Variants in HCRTR1 observed in about 807,000 individuals in gnomAD.
HCRTR1 encodes hypocretin receptor 1, also known as orexin/Hypocretin receptor type 1.
A neutral mutation model predicts 40.6 loss-of-function variants in HCRTR1; 28 were observed. That is an observed-to-expected ratio of 0.69 (90% CI 0.51 to 0.95). The LOEUF is 0.95. HCRTR1 is among the 40% of genes least tolerant of loss of function. The probability of loss-of-function intolerance (pLI) is 0.00; values close to 1 mark genes in which losing one functional copy is unlikely to be tolerated. For missense variants in HCRTR1, 482 were observed against 564.7 expected (o/e 0.85, Z 1.48); for synonymous variants, 209 against 230.0 (o/e 0.91, Z 0.83).
chr1:31,619,763 C>A, intron 4 of HCRTR1, 53 bp downstream of exon 4: 2 of 1,519,892 alleles, frequency 1.3e-6, no homozygotes, highest in South Asian at 2.5e-5. Context: ...TGTAAAAAAC[C>A]CACGGCCTTG....
At position 31,623,550 on chromosome 1, in the gene HCRTR1, C is replaced by A. The variant is rs187526271; in HGVS notation, c.766C>A (p.Arg256=). The A allele has an allele frequency of 6.2e-7, 1 of 1,613,202 alleles. No individual in the cohort carries two copies. Among genetic ancestry groups the A allele is most frequent in the South Asian group, 1.1e-5 (1 of 91,054 alleles). ...CCCCGGCACCACCTCAGCACTGGTG[C>A]GGAACTGGAAGCGCCCCTCAGACCA... The part of the protein sequence containing the change: ...QIPGTTSALV[R]NWKRPSDQLG... The change falls in exon 7 of 9, where the codon CGG becomes AGG. Residue 256 remains arginine (R), a synonymous_variant. Coordinates refer to ENST00000403528, the MANE Select transcript of HCRTR1 (RefSeq NM_001525.3).
intron 1 of HCRTR1, among the ~76,000 whole-genome samples, chr1:31,618,538 A>G (rs898018835): frequency 6.6e-5 from 10 of 151,644 alleles, no homozygotes; most frequent in Non-Finnish European, 8.8e-5. Context: ...TTCCCAACCC[A>G]AAGTTAAAGC....
In HCRTR1 at chr1:31,619,199, C is replaced by T; in HGVS notation, c.7C>T (p.Pro3Ser). The T allele has an allele frequency of 6.2e-7, 1 of 1,611,024 alleles. No individual in the cohort carries two copies. The highest frequency in any genetic ancestry group is 8.5e-7 in the Non-Finnish European group (1 of 1,179,856). Reference sequence around the variant, plus strand: ...TGCAGCGGCTCCTGAGCTCATGGAGCCCTCAGCCACCCCAGGGGCCCAGAT... The same window carrying T: ...TGCAGCGGCTCCTGAGCTCATGGAGTCCTCAGCCACCCCAGGGGCCCAGAT... Reference protein sequence around the residue: MEPSATPGAQMGV... With the variant: MESSATPGAQMGV... The change falls in exon 3 of 9, where the codon CCC becomes TCC. Residue 3 changes from proline (P) to serine (S), a missense_variant. Coordinates refer to ENST00000403528, the MANE Select transcript of HCRTR1 (RefSeq NM_001525.3).
chr1:31,624,501 A>C (rs1434225864), intron 7 of HCRTR1, among the ~76,000 whole-genome samples: 2 of 149,432 alleles, frequency 1.3e-5, no homozygotes, highest in Non-Finnish European at 3.0e-5. Flanking sequence ...ATTTGAGCAG[A>C]GACTTGAAGG....
downstream of HCRTR1, among the ~76,000 whole-genome samples, chr1:31,633,998 G>A (rs1448221023): frequency 6.6e-6 from 1 of 151,764 alleles, no homozygotes; most frequent in Non-Finnish European, 1.5e-5. Flanking sequence ...CAGTGTAGAA[G>A]CTGGTAAGTC....
Position 31,623,533 on chromosome 1 carries a change from C to CCACCTCAGCACTCAG in HCRTR1, c.761_762insCAGCACCTCAGCACT (p.Leu254_Val255insSerThrSerAlaLeu). On this transcript the variant is annotated inframe_insertion, in exon 7 of 9. Coordinates refer to ENST00000403528, the MANE Select transcript of HCRTR1 (RefSeq NM_001525.3). ...ATGTGTGCTGGACAGATCCCCGGCA[C>CCACCTCAGCACTCAG]CACCTCAGCACTGGTGCGGAACTGG... 1 of 1,612,458 alleles carries CCACCTCAGCACTCAG rather than the reference C, an allele frequency of 6.2e-7. No homozygotes were observed. Among genetic ancestry groups the CCACCTCAGCACTCAG allele is most frequent in the Admixed American group, 1.7e-5 (1 of 59,894 alleles).
chr1:31,618,589 T>A (rs1236837406), intron 1 of HCRTR1, among the ~76,000 whole-genome samples, 167 bp from the exon 2 acceptor site: 8 of 152,132 alleles, frequency 5.3e-5, no homozygotes, highest in Non-Finnish European at 1.5e-5. Flanking sequence ...CGGGATGGCT[T>A]CTCCTCCCAA....
downstream of HCRTR1, among the ~76,000 whole-genome samples, chr1:31,631,257 C>T (rs1247857384): frequency 2.0e-5 from 3 of 152,192 alleles, no homozygotes; most frequent in Non-Finnish European, 2.9e-5. Context: ...AGCCACTGGG[C>T]AAGTTGCTTA....
At chr1:31,619,783 C>G in intron 4 of HCRTR1, 73 bp downstream of exon 4, 1 of 1,368,252 alleles carries the variant, frequency 7.3e-7, no homozygotes, top group Non-Finnish European at 9.9e-7. Flanking sequence ...GCATAGGTCT[C>G]AGTGACCCCC....
rs1324171127 is a variant in HCRTR1, at chr1:31,618,831, C to G, written c.-143+15C>G. On this transcript the variant is annotated intron_variant, in intron 2 of 8. Transcript: ENST00000403528. ...GGTCCTGTAAGGTATGTAGGGCTGTCACCCCATTAGACAGATGGGGAAACC... is the reference window on the plus strand; with the variant it reads ...GGTCCTGTAAGGTATGTAGGGCTGTGACCCCATTAGACAGATGGGGAAACC... 1.0e-5 allele frequency: 3 copies of G among 299,516 alleles called. No individual in the cohort carries two copies. Among genetic ancestry groups the G allele is most frequent in the Non-Finnish European group, 1.9e-5 (3 of 157,510 alleles). The allele number at this position is 299,516 out of a possible 1,614,324, so 18.6% of individuals were successfully genotyped here.
chr1:31,632,547 C>T (rs777561785), downstream of HCRTR1: 14 of 1,614,130 alleles, frequency 8.7e-6, no homozygotes, highest in Admixed American at 2.2e-4. Context: ...GGTCATACTG[C>T]TGGAAGAGGT....
Position 31,627,072 on chromosome 1 carries a change from T to A in HCRTR1, c.*92T>A, listed in dbSNP as rs895443732. 38 of 1,519,830 alleles carry A rather than the reference T, an allele frequency of 2.5e-5. No individual in the cohort carries two copies. Among genetic ancestry groups the A allele is most frequent in the Non-Finnish European group, 3.3e-5 (37 of 1,136,590 alleles). 94.1% of individuals were successfully genotyped at this position (1,519,830 alleles called of 1,614,324 possible). A position where few individuals can be genotyped will look rare whatever the true frequency, so the allele number is the denominator to read the frequency against. On this transcript the variant is annotated 3_prime_UTR_variant, in exon 9 of 9. Coordinates refer to ENST00000403528, the MANE Select transcript of HCRTR1 (RefSeq NM_001525.3). ...ATGTGGTGAAAGGCTGTGGCTTCAG[T>A]CCTGGGTTTCTGCCTGTGTGACTCT...
rs1295959296 is a variant in HCRTR1, at chr1:31,621,077, C to A, written c.613C>A (p.Arg205Ser). 1.2e-6 allele frequency: 2 copies of A among 1,604,758 alleles called. No homozygotes were observed. Among genetic ancestry groups the A allele is most frequent in the Non-Finnish European group, 8.5e-7 (1 of 1,178,358 alleles). ...ACGGCTCTTCTCAGTCTGTGATGAA[C>A]GCTGGGCAGGTAATGGTGGAAGCCT... ...RTRLFSVCDE[R>S]WADDLYPKIY... Residue 205 changes from arginine (R) to serine (S), a missense_variant, in exon 5 of 9, where the codon CGC (arginine) becomes AGC (serine). Transcript: ENST00000403528.
At chr1:31,631,759 G>A (rs1414622029), downstream of HCRTR1, among the ~76,000 whole-genome samples, 1 of 152,196 alleles carries the variant, frequency 6.6e-6, no homozygotes, top group East Asian at 1.9e-4. Flanking sequence ...AAGAGTAGGT[G>A]ATTACTATAG....
Position 31,626,711 on chromosome 1 carries a change from G to A in HCRTR1, c.1088-79G>A, listed in dbSNP as rs1318009915. The A allele has an allele frequency of 8.7e-6, 13 of 1,485,800 alleles. No homozygotes were observed. The highest frequency in any genetic ancestry group is 1.2e-5 in the Non-Finnish European group (13 of 1,108,342). The allele number at this position is 1,485,800 out of a possible 1,614,324, so 92.0% of individuals were successfully genotyped here. ...CCTCATAGGCAGCTTGGCTGGAGCT[G>A]CGTGGGTGTCCCTGGGCTCAAGGCC... On this transcript the variant is annotated intron_variant, in intron 8 of 8. Coordinates refer to ENST00000403528, the MANE Select transcript of HCRTR1 (RefSeq NM_001525.3). This position sits in a 1 kb window ranked among gnomAD's most constrained non-coding sequence, Gnocchi z 4.6.
Position 31,619,206 on chromosome 1 carries a change from C to T in HCRTR1, c.14C>T (p.Ala5Val), listed in dbSNP as rs1459296580. Residue 5 changes from alanine (A) to valine (V), a missense_variant, in exon 3 of 9, where the codon GCC (alanine) becomes GTC (valine). By Grantham distance (64) the Ala-to-Val change is moderately conservative. Transcript: ENST00000403528. MEPS[A>V]TPGAQMGVPP... ...GCTCCTGAGCTCATGGAGCCCTCAG[C>T]CACCCCAGGGGCCCAGATGGGGGTC... 1 of 1,611,808 alleles carries T rather than the reference C, an allele frequency of 6.2e-7. No homozygotes were observed. Among genetic ancestry groups the T allele is most frequent in the East Asian group, 2.2e-5 (1 of 44,868 alleles).
chr1:31,631,116 G>C (rs997171558), downstream of HCRTR1, among the ~76,000 whole-genome samples: 3 of 152,144 alleles, frequency 2.0e-5, no homozygotes, highest in African/African-American at 4.8e-5. Flanking sequence ...TTGCAGAGAC[G>C]ACAACGGACT....
chr1:31,627,036 A>C lies in HCRTR1; in HGVS notation c.*56A>C, dbSNP rs199570837. The stretch of plus-strand genomic sequence containing the variant: ...GGGATCTGCCCCTACCCCTCATGGA[A>C]AGACAGCTGGATGTGGTGAAAGGCT... On this transcript the variant is annotated 3_prime_UTR_variant, in exon 9 of 9. Coordinates refer to ENST00000403528, the MANE Select transcript of HCRTR1 (RefSeq NM_001525.3). 8.3e-6 allele frequency: 13 copies of C among 1,559,538 alleles called. No homozygotes were observed. Among genetic ancestry groups the C allele is most frequent in the Non-Finnish European group, 1.1e-5 (13 of 1,157,340 alleles).
chr1:31,623,625 C>G lies in HCRTR1; in HGVS notation c.841C>G (p.Arg281Gly). ...GLSGEPQPRA[R>G]AFLAEVKQMR... ...GAGTGGAGAGCCCCAGCCCCGGGCC[C>G]GCGCCTTCCTGGCTGAAGTGAAGCA... The change falls in exon 7 of 9, where the codon CGC (arginine) becomes GGC (glycine). Residue 281 changes from arginine (R) to glycine (G), a missense_variant. Transcript: ENST00000403528. The G allele has an allele frequency of 1.9e-6, 3 of 1,613,884 alleles. No individual in the cohort carries two copies. Among genetic ancestry groups the G allele is most frequent in the Non-Finnish European group, 2.5e-6 (3 of 1,180,040 alleles).
Sources: gnomAD v4.1 joint callset for allele counts (sites outside exome capture counted in the v4.1 genomes callset) on GRCh38, gnomAD v4.1.1 for gene constraint, Gnocchi (gnomAD v3.1) non-coding constraint, MANE v1.5 for transcripts, NCBI Gene and HGNC (gene_info 2026-07-23, HGNC 2026-07-21) for gene names.